The following COL9A1 variants were observed in gnomAD, a reference collection of about 807,000 sequenced individuals.
COL9A1 encodes the protein collagen alpha-1(IX) chain.
A neutral mutation model predicts 142.6 loss-of-function variants in COL9A1; 104 were observed. The ratio of observed to expected loss-of-function variants is 0.73; its 90% CI spans 0.62 to 0.86. The LOEUF is 0.86. Among genes scored for constraint, COL9A1 ranks in the 40% least tolerant of loss-of-function variants. The pLI is 0.00. For missense variants in COL9A1, 1,210 were observed against 1,176.6 expected, an observed-to-expected ratio of 1.03 and a Z score of -0.42; for synonymous variants, 466 against 396.0, an observed-to-expected ratio of 1.18 and a Z score of -2.10.
chr6:70,219,225 C>G (rs1768722237), intron 37 of COL9A1, among the ~76,000 whole-genome samples: 1 of 152,058 alleles, frequency 6.6e-6, no homozygotes, highest in Non-Finnish European at 1.5e-5. Context: ...CTGAGACATA[C>G]CAGGTGTGCC....
chr6:70,264,638 C>A (rs1346747903), intron 18 of COL9A1, among the ~76,000 whole-genome samples: 1 of 151,914 alleles, frequency 6.6e-6, no homozygotes, highest in Non-Finnish European at 1.5e-5. Flanking sequence ...GGGTATTTTC[C>A]ATAGATTCTC....
intron 7 of COL9A1, among the ~76,000 whole-genome samples, chr6:70,282,277 G>A (rs947394379): frequency 1.3e-5 from 2 of 152,218 alleles, no homozygotes; most frequent in Non-Finnish European, 2.9e-5. Context: ...AAACTCCAAC[G>A]ACCAAACAGG....
At chr6:70,256,108 G>T (rs1026773728) in intron 21 of COL9A1, among the ~76,000 whole-genome samples, 1 of 152,234 alleles carries the variant, frequency 6.6e-6, no homozygotes, top group South Asian at 2.1e-4. Flanking sequence ...CCTGTACTTT[G>T]CTGTCTTTCC....
intron 7 of COL9A1, 81 bp downstream of exon 7, chr6:70,282,817 T>C: frequency 6.2e-7 from 1 of 1,606,778 alleles, no homozygotes; most frequent in Admixed American, 1.7e-5. Context: ...CGCGCCTTTC[T>C]CACAGCTCCC....
In COL9A1 at chr6:70,225,956, AACCGTTGGG is replaced by A; in HGVS notation, c.2548_2556del (p.Pro850_Gly852del). ...CCTGGGAGACCTATAGCTCCAGGCA[AACCGTTGGG>A]ACCTCTTCCTGGAGGGCCACGCTCC... On this transcript the variant is annotated inframe_deletion, in exon 37 of 38. Transcript: ENST00000357250. 2 of 1,614,042 alleles carry A rather than the reference AACCGTTGGG, an allele frequency of 1.2e-6. No homozygotes were observed. The highest frequency in any genetic ancestry group is 1.7e-6 in the Non-Finnish European group (2 of 1,179,966).
rs764474418 is a variant in COL9A1 at position 70,274,072 on chromosome 6, C to A, written c.1040G>T (p.Gly347Val). 27 of 1,588,044 alleles carry A rather than the reference C, an allele frequency of 1.7e-5. No individual in the cohort carries two copies. Among genetic ancestry groups the A allele is most frequent in the African/African-American group, 2.7e-5 (2 of 73,774 alleles). ...TGGAAATCCACGCGATCCAGGCACA[C>A]CAGGTTCTCCCTAAAAATAAAAATA... ...IGSKGQKGEP[G>V]VPGSRGFPGR... The change falls in exon 12 of 38, where the codon GGT becomes GTT. Residue 347 changes from glycine to valine, a missense_variant. Coordinates refer to ENST00000357250, the MANE Select transcript of COL9A1 (RefSeq NM_001851.6).
At chr6:70,274,174 C>G in intron 11 of COL9A1, 92 bp from the exon 12 acceptor site, 1 of 1,002,274 alleles carries the variant, frequency 1.0e-6, no homozygotes, top group South Asian at 1.7e-5. Flanking sequence ...ATTAAAACAC[C>G]CCATTATGGT....
chr6:70,263,673 G>C (rs536925204), intron 18 of COL9A1, among the ~76,000 whole-genome samples: 19 of 151,664 alleles, frequency 1.3e-4, no homozygotes, highest in African/African-American at 4.6e-4. Flanking sequence ...CAAATGGGGG[G>C]GATTTATTAT....
intron 37 of COL9A1, among the ~76,000 whole-genome samples, chr6:70,222,208 AC>A (rs1328457670): frequency 6.6e-6 from 1 of 152,186 alleles, no homozygotes; most frequent in Non-Finnish European, 1.5e-5. Context: ...GTTAAATTTC[AC>A]TAAATAATGT....
In COL9A1 at chr6:70,274,260, A is replaced by G. The variant is rs701683; in HGVS notation, c.1030-178T>C. Among the ~76,000 whole-genome samples, 17,924 of 151,808 alleles carry G rather than the reference A, an allele frequency of 0.12. 1,345 individuals carry two copies. The highest frequency in any genetic ancestry group is 0.2 in the African/African-American group (8,372 of 41,330). On this transcript the variant is annotated intron_variant, in intron 11 of 37. Coordinates refer to ENST00000357250, the MANE Select transcript of COL9A1 (RefSeq NM_001851.6). ...TGCAGGATGTGCAGGTTTGTTACAT[A>G]GGTAAACATGTTCCATGGTAGTTTG...
rs1045330188 is a variant in COL9A1 at position 70,216,842 on chromosome 6, C to A, written c.*55G>T. 1 of 1,593,094 alleles carries A rather than the reference C, an allele frequency of 6.3e-7. No individual in the cohort carries two copies. The highest frequency in any genetic ancestry group is 1.1e-5 in the South Asian group (1 of 90,206). ...CCCAGCTTTGGATGGTGTTTCTCAC[C>A]CAGGCTCCTTCACCAGGCGTGGTTC... is the stretch of plus-strand genomic sequence containing the variant. On this transcript the variant is annotated 3_prime_UTR_variant, in exon 38 of 38. Transcript: ENST00000357250.
chr6:70,256,546 TG>T (rs770562919), intron 21 of COL9A1, among the ~76,000 whole-genome samples: 8 of 152,126 alleles, frequency 5.3e-5, no homozygotes, highest in Non-Finnish European at 1.0e-4. Context: ...CTTAATAATT[TG>T]GCTTAATCTA....
At chr6:70,285,149 C>T (rs1003218387) in intron 5 of COL9A1, among the ~76,000 whole-genome samples, 3 of 152,222 alleles carry the variant, frequency 2.0e-5, no homozygotes, top group African/African-American at 4.8e-5. Context: ...ATGTAATTCT[C>T]TCTGGATAAA....
rs777459442 is a variant in COL9A1, at chr6:70,268,818, G to T, written c.1273C>A (p.Leu425Ile). The change falls in exon 17 of 38, where the codon CTA becomes ATA. Residue 425 changes from leucine (L) to isoleucine (I), a missense_variant. Physicochemically the swap from Leu to Ile is conservative, Grantham distance 5. Transcript: ENST00000357250. ...CPPGRSGYPG[L>I]PGMRGHKGAK... ...TATTCTCTTACCCTCATGCCTGGTA[G>T]GCCTGGATATCCTGAGCGACCTGGT... 1 of 1,613,822 alleles carries T rather than the reference G, an allele frequency of 6.2e-7. No homozygotes were observed. The highest frequency in any genetic ancestry group is 1.7e-5 in the Admixed American group (1 of 60,008).
At chr6:70,266,105 C>T (rs531373131) in intron 18 of COL9A1, among the ~76,000 whole-genome samples, 1 of 152,228 alleles carries the variant, frequency 6.6e-6, no homozygotes, top group Admixed American at 6.5e-5. Flanking sequence ...AATATGTTAC[C>T]TTGCTTTAAA....
chr6:70,264,120 C>T (rs557982700), intron 18 of COL9A1, among the ~76,000 whole-genome samples: 1 of 151,944 alleles, frequency 6.6e-6, no homozygotes, highest in Non-Finnish European at 1.5e-5. Flanking sequence ...AATGCCACAA[C>T]ATGTTAATTA....
At chr6:70,283,226 A>G (rs1773288667) in intron 6 of COL9A1, 2 of 1,457,592 alleles carry the variant, frequency 1.4e-6, no homozygotes, top group African/African-American at 1.4e-5. Context: ...CTGTTTATGA[A>G]TGGCCCCGGA....
intron 5 of COL9A1, among the ~76,000 whole-genome samples, chr6:70,284,667 G>A (rs1231889294): frequency 6.6e-6 from 1 of 152,138 alleles, no homozygotes; most frequent in Non-Finnish European, 1.5e-5. Context: ...AAATTAAAAT[G>A]TCATATCCCA....
rs914106032 is a variant in COL9A1 at position 70,278,026 on chromosome 6, AT to A, written c.975+2785del. 1.6e-4 allele frequency among the ~76,000 whole-genome samples: 25 copies of A among 152,298 alleles called. No individual in the cohort carries two copies. The East Asian group carries it at 3.9e-3, about 23-fold the overall frequency. On this transcript the variant is annotated intron_variant, in intron 10 of 37. Coordinates refer to ENST00000357250, the MANE Select transcript of COL9A1 (RefSeq NM_001851.6). ...ATCCATTCTCAATTTAGAATAAAAG[AT>A]TTTTTTAATGTCAAATCAGTCAAAG...
Sources: allele counts gnomAD v4.1 joint callset (sites outside exome capture counted in the v4.1 genomes callset), GRCh38; gene constraint gnomAD v4.1.1; transcripts MANE v1.5; gene names NCBI Gene and HGNC (gene_info 2026-07-23, HGNC 2026-07-21).